The following CEP128 variants were observed in gnomAD, a reference collection of about 807,000 sequenced individuals.
CEP128 encodes centrosomal protein 128, also known as centrosomal protein 128kDa.
In CEP128, 132 loss-of-function variants were observed where a neutral mutation model predicts 156.7. The observed-to-expected ratio is 0.84, with a 90% CI of 0.73 to 0.97. The LOEUF is 0.97. CEP128 is among the 50% of genes least tolerant of loss of function. CEP128 has a pLI of 0.00. For missense variants in CEP128, 1,252 were observed against 1,281.9 expected (o/e 0.98, Z 0.36); for synonymous variants, 469 against 448.9 (o/e 1.04, Z -0.57).
intron 16 of CEP128, among the ~76,000 whole-genome samples, chr14:80,765,328 T>G (rs1238073432): frequency 6.6e-6 from 1 of 152,196 alleles, no homozygotes; most frequent in African/African-American, 2.4e-5. Flanking sequence ...CAGCTAATTC[T>G]GGGGGAGGGT....
At chr14:80,927,574 C>T (rs1002231206) in intron 2 of CEP128, among the ~76,000 whole-genome samples, 1 of 152,170 alleles carries the variant, frequency 6.6e-6, no homozygotes, top group African/African-American at 2.4e-5. Flanking sequence ...ATCTGAATAG[C>T]CAGAGCACTT....
intron 17 of CEP128, among the ~76,000 whole-genome samples, chr14:80,758,622 T>C (rs1179479702): frequency 1.3e-5 from 2 of 152,046 alleles, no homozygotes; most frequent in Non-Finnish European, 2.9e-5. Context: ...GATGTCACTA[T>C]TAATAAATAG....
chr14:80,924,095 T>G (rs933359096), intron 2 of CEP128, among the ~76,000 whole-genome samples: 1 of 152,182 alleles, frequency 6.6e-6, no homozygotes, highest in Non-Finnish European at 1.5e-5. Context: ...GTTTATAAAT[T>G]ACCCAATCTC....
At chr14:80,634,169 T>C (rs954694697) in intron 19 of CEP128, among the ~76,000 whole-genome samples, 3 of 152,198 alleles carry the variant, frequency 2.0e-5, no homozygotes, top group Non-Finnish European at 4.4e-5. Flanking sequence ...CAAGTCATGA[T>C]TAATTGGTGT....
intron 7 of CEP128, among the ~76,000 whole-genome samples, chr14:80,898,379 T>C (rs1889446145): frequency 1.3e-5 from 2 of 152,190 alleles, no homozygotes; most frequent in Admixed American, 6.5e-5. Context: ...AGCCACCTCA[T>C]TTCCCAAGAA....
intron 7 of CEP128, 141 bp from the exon 8 acceptor site, chr14:80,895,931 C>T (rs989824127): frequency 3.1e-5 from 20 of 644,142 alleles, no homozygotes; most frequent in African/African-American, 3.8e-5. Flanking sequence ...ATCTGAAACA[C>T]GTGGAAGGCT....
intron 8 of CEP128, among the ~76,000 whole-genome samples, chr14:80,878,677 G>A (rs990321909): frequency 6.6e-6 from 1 of 152,030 alleles, no homozygotes; most frequent in African/African-American, 2.4e-5. Flanking sequence ...TGCTCCCATG[G>A]GTAAGAACCA....
chr14:80,955,358 G>GGT, intron 2 of CEP128: 1 of 479,128 alleles, frequency 2.1e-6, no homozygotes, highest in Non-Finnish European at 3.8e-6. Context: ...GGGTGGGGGG[G>GGT]CGGGCTGGAA....
chr14:80,708,706 C>G (rs1897303971), intron 19 of CEP128, among the ~76,000 whole-genome samples: 1 of 152,094 alleles, frequency 6.6e-6, no homozygotes, highest in Admixed American at 6.6e-5. Flanking sequence ...TGAATTTTAG[C>G]TAGTAGTCAT....
At chr14:80,858,622 G>C (rs1595507600) in intron 9 of CEP128, among the ~76,000 whole-genome samples, 1 of 144,918 alleles carries the variant, frequency 6.9e-6, no homozygotes, top group African/African-American at 2.6e-5. Flanking sequence ...CTACAAAATG[G>C]GAGAAAATTT....
At chr14:80,491,983 A>G (rs1308183983), downstream of CEP128, among the ~76,000 whole-genome samples, 1 of 152,204 alleles carries the variant, frequency 6.6e-6, no homozygotes. Flanking sequence ...GTGCTGAGCA[A>G]CAATGGACAA....
At chr14:80,863,240 A>G (rs1337362504) in intron 8 of CEP128, among the ~76,000 whole-genome samples, 4 of 152,210 alleles carry the variant, frequency 2.6e-5, no homozygotes, top group African/African-American at 4.8e-5. Context: ...TTGTTAGCCA[A>G]TTAATGATAA....
intron 19 of CEP128, among the ~76,000 whole-genome samples, chr14:80,626,320 C>T (rs894700283): frequency 2.0e-5 from 3 of 151,038 alleles, no homozygotes; most frequent in African/African-American, 7.3e-5. Flanking sequence ...AAAAATTAGC[C>T]GGGCGCGGTG....
chr14:80,890,015 TC>T (rs779389892), intron 8 of CEP128, among the ~76,000 whole-genome samples: 1 of 151,890 alleles, frequency 6.6e-6, no homozygotes, highest in Non-Finnish European at 1.5e-5. Flanking sequence ...TGGTCAACAA[TC>T]ATGTGAAAAA....
At chr14:80,689,892 A>T (rs1386748981) in intron 19 of CEP128, among the ~76,000 whole-genome samples, 2 of 152,164 alleles carry the variant, frequency 1.3e-5, no homozygotes, top group Non-Finnish European at 2.9e-5. Context: ...ATGATTCACA[A>T]ACTAGTATCT....
chr14:80,501,307 A>G (rs1271552716), intron 24 of CEP128, among the ~76,000 whole-genome samples: 1 of 152,162 alleles, frequency 6.6e-6, no homozygotes, highest in Non-Finnish European at 1.5e-5. Context: ...GGCGCAGAAG[A>G]TGACTTCAAA....
At chr14:80,810,323 C>CAAAAAAAAAAAAAAAAAAAAA (rs71103883) in intron 13 of CEP128, among the ~76,000 whole-genome samples, 5 of 15,200 alleles carry the variant, frequency 3.3e-4, no homozygotes, top group Non-Finnish European at 5.3e-4. Context: ...ACTCCATCTC[C>CAAAAAAAAAAAAAAAAAAAAA]AAAAAAAAAA....
At chr14:80,803,685 G>C (rs1884008649) in intron 13 of CEP128, among the ~76,000 whole-genome samples, 1 of 152,128 alleles carries the variant, frequency 6.6e-6, no homozygotes, top group Admixed American at 6.5e-5. Flanking sequence ...ATATTCACAA[G>C]TAAAGCTTTT....
intron 9 of CEP128, among the ~76,000 whole-genome samples, chr14:80,841,859 C>T (rs1430974997): frequency 6.6e-6 from 1 of 151,836 alleles, no homozygotes; most frequent in Admixed American, 6.6e-5. Context: ...CTGTAGAGCA[C>T]ATAAAGCAAT....
Sources: allele counts gnomAD v4.1 joint callset (sites outside exome capture counted in the v4.1 genomes callset), GRCh38; gene constraint gnomAD v4.1.1; transcripts MANE v1.5; gene names NCBI Gene and HGNC (gene_info 2026-07-23, HGNC 2026-07-21).